Variants in SRGAP1 observed in about 807,000 individuals in gnomAD.
The protein encoded by SRGAP1 is SLIT-ROBO Rho GTPase activating protein 1, also known as SLIT-ROBO Rho GTPase-activating protein 1.
Under a neutral mutation model 121.9 loss-of-function variants are expected in SRGAP1, and 43 were observed. That is an observed-to-expected ratio of 0.35 (90% CI 0.28 to 0.46). SRGAP1 has a LOEUF of 0.46. Ranked by LOEUF, SRGAP1 falls within the 20% of genes least tolerant of loss-of-function variation. SRGAP1 has a pLI of 1.00. For synonymous variants in SRGAP1, 447 were observed against 485.4 expected (o/e 0.92, Z 1.04); for missense variants, 1,102 against 1,350.9 (o/e 0.82, Z 2.89).
intron 21 of SRGAP1, among the ~76,000 whole-genome samples, chr12:64,135,598 A>G (rs1042185955): frequency 6.6e-6 from 1 of 152,192 alleles, no homozygotes; most frequent in African/African-American, 2.4e-5. Flanking sequence ...GCGATGAATC[A>G]GGAGTGTCAA....
Position 63,897,126 on chromosome 12 carries a change from A to G in SRGAP1, c.67+52243A>G, listed in dbSNP as rs550619192. On this transcript the variant is annotated intron_variant, in intron 1 of 21. Coordinates refer to ENST00000355086, the MANE Select transcript of SRGAP1 (RefSeq NM_020762.4). ...CTTAGTTGACATTTAGGAAGAAGTC[A>G]TTAAGTTACTCACATTTTGTGATGC... Among the ~76,000 whole-genome samples the G allele has an allele frequency of 2.1e-4, 32 of 152,342 alleles. 1 individual carries two copies. Among genetic ancestry groups the G allele is most frequent in the African/African-American group, 7.2e-4 (30 of 41,582 alleles).
intron 1 of SRGAP1, among the ~76,000 whole-genome samples, chr12:63,876,753 G>T (rs1900042158): frequency 6.6e-6 from 1 of 152,150 alleles, no homozygotes; most frequent in Non-Finnish European, 1.5e-5. Context: ...TCACCAACTA[G>T]ATCATTTTAA....
chr12:63,983,842 ATATATATATATATT>A (rs1565981761), intron 1 of SRGAP1, 91 bp from the exon 2 acceptor site: 7 of 80,338 alleles, frequency 8.7e-5, no homozygotes, highest in East Asian at 3.4e-4. Flanking sequence ...ATATATATAT[ATATATATATATATT>A]TATATATATT....
At chr12:64,104,193 GT>G in intron 15 of SRGAP1, among the ~76,000 whole-genome samples, 1 of 152,114 alleles carries the variant, frequency 6.6e-6, no homozygotes, top group African/African-American at 2.4e-5. Context: ...GTGTTTTATG[GT>G]AAATTTTTCA....
chr12:64,033,645 G>C (rs2034832830), intron 4 of SRGAP1, among the ~76,000 whole-genome samples: 1 of 151,640 alleles, frequency 6.6e-6, no homozygotes, highest in Admixed American at 6.6e-5. Flanking sequence ...TTGAACCCGG[G>C]AGGCGGAGGT....
intron 4 of SRGAP1, among the ~76,000 whole-genome samples, chr12:64,030,381 C>G (rs529459854): frequency 2.0e-5 from 3 of 152,296 alleles, no homozygotes; most frequent in African/African-American, 7.2e-5. Flanking sequence ...CCTCCAATAA[C>G]TGCTGGAAAG....
At chr12:64,049,028 T>C (rs2035187176) in intron 6 of SRGAP1, among the ~76,000 whole-genome samples, 1 of 152,230 alleles carries the variant, frequency 6.6e-6, no homozygotes, top group African/African-American at 2.4e-5. Context: ...TTGTTCATTT[T>C]TGCATTGTTT....
chr12:64,129,021 T>A (rs920293179), intron 21 of SRGAP1, among the ~76,000 whole-genome samples: 2 of 152,090 alleles, frequency 1.3e-5, no homozygotes, highest in African/African-American at 4.8e-5. Context: ...CCCAACACTT[T>A]AGGAGGCTGA....
intron 1 of SRGAP1, among the ~76,000 whole-genome samples, chr12:63,865,561 T>A (rs555877089): frequency 6.6e-6 from 1 of 152,302 alleles, no homozygotes; most frequent in East Asian, 1.9e-4. Context: ...GGAAGTGTTT[T>A]CCCTGCAAAA....
intron 1 of SRGAP1, among the ~76,000 whole-genome samples, chr12:63,856,293 T>A (rs556259827): frequency 2.1e-5 from 3 of 144,142 alleles, no homozygotes; most frequent in Non-Finnish European, 3.0e-5. Context: ...AATAAATAAA[T>A]AAAAAGATCC....
intron 6 of SRGAP1, among the ~76,000 whole-genome samples, chr12:64,048,574 C>G (rs1807791446): frequency 6.6e-6 from 1 of 151,960 alleles, no homozygotes; most frequent in South Asian, 2.1e-4. Context: ...TGAGGTATTC[C>G]CATACTGTTC....
intron 1 of SRGAP1, among the ~76,000 whole-genome samples, chr12:63,960,370 G>T (rs1005986334): frequency 4.6e-5 from 7 of 151,998 alleles, no homozygotes; most frequent in African/African-American, 7.2e-5. Context: ...ACCGCCAGCT[G>T]GTTTTCGGCT....
intron 4 of SRGAP1, among the ~76,000 whole-genome samples, chr12:64,027,289 C>T (rs1200709470): frequency 1.3e-5 from 2 of 152,026 alleles, no homozygotes; most frequent in African/African-American, 4.8e-5. Flanking sequence ...GCTCTTAGCC[C>T]ACATGCTGTA....
intron 1 of SRGAP1, among the ~76,000 whole-genome samples, chr12:63,912,875 A>G (rs2030566566): frequency 6.6e-6 from 1 of 152,146 alleles, no homozygotes; most frequent in Non-Finnish European, 1.5e-5. Context: ...AGTTTAGATA[A>G]TATTAATAAG....
Position 64,128,136 on chromosome 12 carries a change from C to T in SRGAP1, c.2816C>T (p.Thr939Met), listed in dbSNP as rs1186421658. 41 of 1,614,028 alleles carry T rather than the reference C, an allele frequency of 2.5e-5. No homozygotes were observed. The highest frequency in any genetic ancestry group is 2.9e-5 in the Non-Finnish European group (34 of 1,180,038). ...GACAGCCCTCCCATTAGAAGGTCCA[C>T]GTCATCAGGGCAATACACGGGCTTC... ...KIDSPPIRRS[T>M]SSGQYTGFND... Residue 939 changes from threonine to methionine, a missense_variant, in exon 21 of 22, where the codon ACG (threonine) becomes ATG (methionine). Thr to Met is a moderately conservative substitution (Grantham distance 81). Coordinates refer to ENST00000355086, the MANE Select transcript of SRGAP1 (RefSeq NM_020762.4).
chr12:64,018,181 C>T (rs776440286), intron 4 of SRGAP1, among the ~76,000 whole-genome samples: 9 of 152,220 alleles, frequency 5.9e-5, no homozygotes, highest in Admixed American at 3.3e-4. Context: ...CTCTGCCTCC[C>T]GGGTTTGAGC....
chr12:64,103,973 G>C (rs190622390), intron 15 of SRGAP1, among the ~76,000 whole-genome samples: 1 of 152,168 alleles, frequency 6.6e-6, no homozygotes, highest in Non-Finnish European at 1.5e-5. Flanking sequence ...GAACTCACAA[G>C]TATGTGTGTA....
At chr12:64,077,286 T>C (rs1017588130) in intron 8 of SRGAP1, among the ~76,000 whole-genome samples, 2 of 151,936 alleles carry the variant, frequency 1.3e-5, no homozygotes, top group East Asian at 1.9e-4. Context: ...GAAAAAGATA[T>C]TTAGTAAATG....
intron 6 of SRGAP1, among the ~76,000 whole-genome samples, chr12:64,044,774 G>T (rs577401592): frequency 3.4e-5 from 5 of 145,298 alleles, no homozygotes; most frequent in Admixed American, 2.2e-4. Context: ...TCTGCCTCCT[G>T]GGTTCAAGCG....
Sources: gnomAD v4.1 joint callset for allele counts (sites outside exome capture counted in the v4.1 genomes callset) on GRCh38, gnomAD v4.1.1 for gene constraint, MANE v1.5 for transcripts, NCBI Gene and HGNC (gene_info 2026-07-23, HGNC 2026-07-21) for gene names.